Variants in SLC38A10 observed in about 807,000 individuals in gnomAD.
SLC38A10 encodes Sodium-coupled neutral amino acid transporter 10.
Under a neutral mutation model 81.0 loss-of-function variants are expected in SLC38A10, and 53 were observed. The ratio of observed to expected loss-of-function variants is 0.65; its 90% CI spans 0.53 to 0.82. SLC38A10 has a LOEUF of 0.82. SLC38A10 is among the 40% of genes least tolerant of loss of function. The pLI is 0.00. For synonymous variants in SLC38A10, 665 were observed against 655.3 expected, an observed-to-expected ratio of 1.01 and a Z score of -0.23; for missense variants, 1,471 against 1,545.0, an observed-to-expected ratio of 0.95 and a Z score of 0.80.
rs962357684 is a variant in SLC38A10 at position 81,270,716 on chromosome 17, T to C, written c.1131+202A>G. Among the ~76,000 whole-genome samples, 1 of 152,184 alleles carries C rather than the reference T, an allele frequency of 6.6e-6. No homozygotes were observed. Among genetic ancestry groups the C allele is most frequent in the Non-Finnish European group, 1.5e-5 (1 of 68,030 alleles). On this transcript the variant is annotated intron_variant, in intron 10 of 15. Transcript: ENST00000374759. The surrounding 1 kb of genome is among the most constrained non-coding windows in gnomAD (Gnocchi z 4.0). ...CCGATGCACAGCTTGAGCAGCTTAG[T>C]GTGGCCCTGCTGGGCAAAGACCGTG...
At chr17:81,266,609 A>T (rs1330841406) in intron 10 of SLC38A10, among the ~76,000 whole-genome samples, 1 of 148,472 alleles carries the variant, frequency 6.7e-6, no homozygotes, top group Non-Finnish European at 1.5e-5. Flanking sequence ...ACAGAGTGAG[A>T]CTCCATCTCA....
At chr17:81,246,848 C>T (rs1278759624) in intron 15 of SLC38A10, 37 bp downstream of exon 15, 1 of 1,553,948 alleles carries the variant, frequency 6.4e-7, no homozygotes, top group Non-Finnish European at 8.7e-7. Flanking sequence ...GACCCCCTGC[C>T]TGGCCCCACC....
rs1034490364 is a variant in SLC38A10, at chr17:81,270,692, C to T, written c.1131+226G>A. The stretch of plus-strand genomic sequence containing the variant: ...AGCTAAGTCGGCTCTCAGGAAAACC[C>T]GATGCACAGCTTGAGCAGCTTAGTG... On this transcript the variant is annotated intron_variant, in intron 10 of 15. Transcript: ENST00000374759. The surrounding 1 kb of genome is among the most constrained non-coding windows in gnomAD (Gnocchi z 4.0). Among the ~76,000 whole-genome samples the T allele has an allele frequency of 6.6e-6, 1 of 152,182 alleles. No homozygotes were observed. The highest frequency in any genetic ancestry group is 1.5e-5 in the Non-Finnish European group (1 of 68,032).
intron 11 of SLC38A10, among the ~76,000 whole-genome samples, chr17:81,259,678 G>T (rs1015649009): frequency 6.6e-6 from 1 of 152,060 alleles, no homozygotes; most frequent in African/African-American, 2.4e-5. Context: ...AGGCGTCAGG[G>T]TTATGGGGCG....
intron 1 of SLC38A10, among the ~76,000 whole-genome samples, chr17:81,290,098 T>G (rs944964382): frequency 1.3e-5 from 2 of 152,198 alleles, no homozygotes; most frequent in African/African-American, 4.8e-5. Flanking sequence ...TAATACCCCC[T>G]TGTTCTCTGC....
In SLC38A10 at chr17:81,252,212, G is replaced by C; in HGVS notation, c.1928C>G (p.Ala643Gly). ...ACACCCACCGTGGTCGCTGTCCTCT[G>C]CGGGCTGCCCTGTGTCCCCGGCGGC... ...GNAAGDTGQPAEDSDHGGKPP... is the reference protein window; with the variant it reads ...GNAAGDTGQPGEDSDHGGKPP... Residue 643 changes from alanine (A) to glycine (G), a missense_variant, in exon 13 of 16, where the codon GCA (alanine) becomes GGA (glycine). Ala to Gly is a moderately conservative substitution (Grantham distance 60, BLOSUM62 0). This residue lies in a region of SLC38A10 where 751 missense variants were observed against 717.4 expected (regional missense o/e 1.05). Coordinates refer to ENST00000374759, the MANE Select transcript of SLC38A10 (RefSeq NM_001037984.3). The C allele has an allele frequency of 6.6e-7, 1 of 1,520,716 alleles. No individual in the cohort carries two copies. The allele number at this position is 1,520,716 out of a possible 1,614,324, so 94.2% of individuals were successfully genotyped here.
chr17:81,260,497 A>T, intron 10 of SLC38A10, 103 bp from the exon 11 acceptor site: 2 of 1,410,128 alleles, frequency 1.4e-6, no homozygotes, highest in Non-Finnish European at 1.9e-6. Context: ...GGGGTGAGGC[A>T]CGAGGAGAGT....
chr17:81,284,630 C>T (rs1156302910), intron 3 of SLC38A10, among the ~76,000 whole-genome samples: 1 of 152,120 alleles, frequency 6.6e-6, no homozygotes, highest in Non-Finnish European at 1.5e-5. Context: ...GAGACTACAA[C>T]TGAGGGAGGA....
chr17:81,283,200 ACT>A lies in SLC38A10; in HGVS notation c.357+207_357+208del, dbSNP rs1299963184. 2.0e-5 allele frequency among the ~76,000 whole-genome samples: 3 copies of A among 151,390 alleles called. No individual in the cohort carries two copies. The highest frequency in any genetic ancestry group is 7.3e-5 in the African/African-American group (3 of 41,134). On this transcript the variant is annotated intron_variant, in intron 4 of 15. Coordinates refer to ENST00000374759, the MANE Select transcript of SLC38A10 (RefSeq NM_001037984.3). The surrounding 1 kb of genome is among the most constrained non-coding windows in gnomAD (Gnocchi z 4.7). The stretch of plus-strand genomic sequence containing the variant: ...CCGCCCCTCATCTACATGGTGTCAG[ACT>A]CTGCCTGGCTTGCTTCCTCGCGTGT...
At chr17:81,267,860 A>T (rs2063082630) in intron 10 of SLC38A10, among the ~76,000 whole-genome samples, 1 of 151,858 alleles carries the variant, frequency 6.6e-6, no homozygotes, top group African/African-American at 2.4e-5. Flanking sequence ...TTGCCCTTGG[A>T]GACTCATCGA....
rs937898833 is a variant in SLC38A10 at position 81,270,291 on chromosome 17, A to G, written c.1131+627T>C. Reference sequence around the variant, plus strand: ...CAGACGCGTGCTCAAATACGTCGACATGCTCATGAACACAGATATTCATCG... The same window carrying G: ...CAGACGCGTGCTCAAATACGTCGACGTGCTCATGAACACAGATATTCATCG... On this transcript the variant is annotated intron_variant, in intron 10 of 15. Transcript: ENST00000374759. This position sits in a 1 kb window ranked among gnomAD's most constrained non-coding sequence, Gnocchi z 4.0. Among the ~76,000 whole-genome samples, 18 of 152,356 alleles carry G rather than the reference A, an allele frequency of 1.2e-4. No homozygotes were observed. Among genetic ancestry groups the G allele is most frequent in the African/African-American group, 4.3e-4 (18 of 41,586 alleles).
rs1283946315 is a variant in SLC38A10, at chr17:81,277,465, T to C, written c.627-332A>G. Among the ~76,000 whole-genome samples, 1 of 152,218 alleles carries C rather than the reference T, an allele frequency of 6.6e-6. No individual in the cohort carries two copies. The highest frequency in any genetic ancestry group is 1.5e-5 in the Non-Finnish European group (1 of 68,048). The stretch of plus-strand genomic sequence containing the variant: ...TACAGGGCAAGCAGCCGGAGGAGGC[T>C]GCTCAGAGAATCGCTGTCAAGAGGA... On this transcript the variant is annotated intron_variant, in intron 6 of 15. Transcript: ENST00000374759. This position sits in a 1 kb window ranked among gnomAD's most constrained non-coding sequence, Gnocchi z 4.5.
rs185059214 is a variant in SLC38A10 at position 81,283,184 on chromosome 17, A to G, written c.357+225T>C. Among the ~76,000 whole-genome samples the G allele has an allele frequency of 4.6e-3, 691 of 151,664 alleles. 6 individuals carry two copies. Among genetic ancestry groups the G allele is most frequent in the African/African-American group, 0.016 (647 of 41,276 alleles). On this transcript the variant is annotated intron_variant, in intron 4 of 15. Coordinates refer to ENST00000374759, the MANE Select transcript of SLC38A10 (RefSeq NM_001037984.3). This position sits in a 1 kb window ranked among gnomAD's most constrained non-coding sequence, Gnocchi z 4.7. ...TCTGAGGCTCCCCCACCCGCCCCTC[A>G]TCTACATGGTGTCAGACTCTGCCTG...
In SLC38A10 at chr17:81,253,158, G is replaced by A. The variant is rs749543365; in HGVS notation, c.1371C>T (p.Ala457=). The change falls in exon 12 of 16, where the codon GCC becomes GCT. Residue 457 remains alanine, a synonymous_variant. Transcript: ENST00000374759. The surrounding 1 kb of genome is among the most constrained non-coding windows in gnomAD (Gnocchi z 4.1). The part of the protein sequence containing the change: ...LPKEREELEQ[A]QIKGPVDVPG... ...GCACATCCACGGGCCCCTTGATCTG[G>A]GCCTGCTCCAGCTCCTCTCTCTCCT... The A allele has an allele frequency of 1.9e-5, 31 of 1,613,718 alleles. No homozygotes were observed. The highest frequency in any genetic ancestry group is 2.7e-5 in the African/African-American group (2 of 74,876).
intron 10 of SLC38A10, among the ~76,000 whole-genome samples, chr17:81,269,520 G>T (rs904708293): frequency 3.3e-5 from 5 of 152,106 alleles, no homozygotes; most frequent in Non-Finnish European, 7.4e-5. Context: ...AATGTACACT[G>T]TAAGAATCTA....
chr17:81,247,058 G>A lies in SLC38A10; in HGVS notation c.2069C>T (p.Ala690Val). Residue 690 changes from alanine (A) to valine (V), a missense_variant, in exon 15 of 16, where the codon GCT (alanine) becomes GTT (valine). This residue lies in a region of SLC38A10 where 751 missense variants were observed against 717.4 expected (regional missense o/e 1.05). Transcript: ENST00000374759. The part of the protein sequence containing the change: ...GNQAASQLEE[A>V]GRAEMLDHAV... Reference sequence around the variant, plus strand: ...GTGGTCCAGCATCTCCGCCCTGCCAGCTTCTGGGTTTGGAAAGCACACAGT... The same window carrying A: ...GTGGTCCAGCATCTCCGCCCTGCCAACTTCTGGGTTTGGAAAGCACACAGT... The A allele has an allele frequency of 3.2e-6, 5 of 1,581,994 alleles. No individual in the cohort carries two copies. The highest frequency in any genetic ancestry group is 4.3e-6 in the Non-Finnish European group (5 of 1,166,058).
At position 81,261,314 on chromosome 17, in the gene SLC38A10, C is replaced by T. The variant is rs1457211724; in HGVS notation, c.1132-920G>A. Among the ~76,000 whole-genome samples, 3 of 152,256 alleles carry T rather than the reference C, an allele frequency of 2.0e-5. No homozygotes were observed. The East Asian group carries it at 5.8e-4, about 29-fold the overall frequency. On this transcript the variant is annotated intron_variant, in intron 10 of 15. Coordinates refer to ENST00000374759, the MANE Select transcript of SLC38A10 (RefSeq NM_001037984.3). ...TCCCCAGTCATTCACGGGGCCACGG[C>T]AGCGGGTGCTGGTTTCTGCCTGGCC...
At chr17:81,266,346 G>A (rs1035724861) in intron 10 of SLC38A10, among the ~76,000 whole-genome samples, 2 of 152,192 alleles carry the variant, frequency 1.3e-5, no homozygotes, top group East Asian at 1.9e-4. Flanking sequence ...AGGGCCGGAC[G>A]CGGTGGCTCA....
rs190081884 is a variant in SLC38A10 at position 81,265,800 on chromosome 17, C to A, written c.1131+5118G>T. ...ACCTAAGGAAACAGGGCATGCTGAG[C>A]GGATGGCACACGGTGGTCCGCTGGC... On this transcript the variant is annotated intron_variant, in intron 10 of 15. Transcript: ENST00000374759. This position sits in a 1 kb window ranked among gnomAD's most constrained non-coding sequence, Gnocchi z 4.2. Among the ~76,000 whole-genome samples, 2 of 152,206 alleles carry A rather than the reference C, an allele frequency of 1.3e-5. No individual in the cohort carries two copies. Among genetic ancestry groups the A allele is most frequent in the African/African-American group, 4.8e-5 (2 of 41,452 alleles).
Sources: gnomAD v4.1 joint callset for allele counts (sites outside exome capture counted in the v4.1 genomes callset) on GRCh38, gnomAD v4.1.1 for gene constraint, gnomAD v4.1.1 regional missense constraint, Gnocchi (gnomAD v3.1) non-coding constraint, MANE v1.5 for transcripts, NCBI Gene and HGNC (gene_info 2026-07-23, HGNC 2026-07-21) for gene names.